Variants in PCDHGA7 observed in about 807,000 individuals in gnomAD.
The protein encoded by PCDHGA7 is protocadherin gamma-A7.
PCDHGA7 carries 44 observed loss-of-function variants against 58.3 expected under a neutral mutation model. That is an observed-to-expected ratio of 0.75 (90% CI 0.59 to 0.97). The LOEUF (loss-of-function observed/expected upper bound fraction) is 0.97. Ranked by LOEUF, PCDHGA7 falls within the 50% of genes least tolerant of loss-of-function variation. The pLI is 0.00. For synonymous variants in PCDHGA7, 516 were observed against 504.2 expected, an observed-to-expected ratio of 1.02 and a Z score of -0.31; for missense variants, 1,266 against 1,188.7, an observed-to-expected ratio of 1.06 and a Z score of -0.96.
intron 1 of PCDHGA7, among the ~76,000 whole-genome samples, chr5:141,447,677 A>G (rs748479750): frequency 6.6e-6 from 1 of 152,184 alleles, no homozygotes; most frequent in Non-Finnish European, 1.5e-5. Context: ...GAACTGTTCC[A>G]TATCTTGATA....
intron 1 of PCDHGA7, chr5:141,433,013 AC>A: frequency 6.2e-7 from 1 of 1,614,018 alleles, no homozygotes; most frequent in Non-Finnish European, 8.5e-7. Flanking sequence ...TTTCCTGCAG[AC>A]CTATTCCCAC....
chr5:141,505,283 G>A, intron 2 of PCDHGA7, 110 bp from the exon 3 acceptor site: 5 of 1,547,446 alleles, frequency 3.2e-6, no homozygotes, highest in Non-Finnish European at 3.5e-6. Flanking sequence ...ACAGGTCTTG[G>A]GCATGGGGTA....
At chr5:141,436,668 C>CA (rs1159051861) in intron 1 of PCDHGA7, among the ~76,000 whole-genome samples, 1 of 151,748 alleles carries the variant, frequency 6.6e-6, no homozygotes, top group South Asian at 2.1e-4. Flanking sequence ...AGTGGTTGAC[C>CA]AAAAAAAGGA....
intron 1 of PCDHGA7, chr5:141,393,124 T>A: frequency 6.2e-7 from 1 of 1,613,430 alleles, no homozygotes; most frequent in Non-Finnish European, 8.5e-7. Flanking sequence ...CGGTGTCTGA[T>A]AAATATTAAC....
chr5:141,492,042 A>T, intron 1 of PCDHGA7: 1 of 519,520 alleles, frequency 1.9e-6, no homozygotes, highest in Non-Finnish European at 3.4e-6. Context: ...GCAGTCACAG[A>T]TCCACCCCTG....
At chr5:141,478,545 A>C in intron 1 of PCDHGA7, 1 of 1,605,606 alleles carries the variant, frequency 6.2e-7, no homozygotes, top group Non-Finnish European at 8.5e-7. Flanking sequence ...CCTCCCGGAC[A>C]GGTAAGGTTT....
At chr5:141,392,893 G>C in intron 1 of PCDHGA7, 1 of 1,613,780 alleles carries the variant, frequency 6.2e-7, no homozygotes, top group South Asian at 1.1e-5. Flanking sequence ...TGGGAAATCG[G>C]GAGGGGACAG....
At chr5:141,466,965 C>A (rs1345790988) in intron 1 of PCDHGA7, among the ~76,000 whole-genome samples, 1 of 152,016 alleles carries the variant, frequency 6.6e-6, no homozygotes, top group East Asian at 1.9e-4. Context: ...CAAATATTTT[C>A]TCACAGCTCA....
In PCDHGA7 at chr5:141,384,346, G is replaced by A. The variant is rs992832645; in HGVS notation, c.1447G>A (p.Asp483Asn). 1.9e-6 allele frequency: 3 copies of A among 1,613,746 alleles called. No homozygotes were observed. The highest frequency in any genetic ancestry group is 2.5e-6 in the Non-Finnish European group (3 of 1,179,906). Residue 483 changes from aspartate to asparagine, a missense_variant, in exon 1 of 4, where the codon GAT becomes AAT. Physicochemically the swap from Asp to Asn is conservative, Grantham distance 23. Transcript: ENST00000518325. The stretch of plus-strand genomic sequence containing the variant: ...GACTGCACAGGACCACGACAGTGAG[G>A]ATAATGCCCAGATCACTTATTCCTT... ...LVTAQDHDSE[D>N]NAQITYSLAE... is the part of the protein sequence containing the mutation.
At chr5:141,488,872 T>C (rs773185475) in intron 1 of PCDHGA7, among the ~76,000 whole-genome samples, 4 of 151,794 alleles carry the variant, frequency 2.6e-5, no homozygotes, top group Non-Finnish European at 5.9e-5. Flanking sequence ...AGTGGGGAGG[T>C]AGGAAGCTTC....
chr5:141,414,792 C>T (rs2095788725), intron 1 of PCDHGA7: 6 of 1,614,230 alleles, frequency 3.7e-6, no homozygotes, highest in African/African-American at 2.7e-5. Flanking sequence ...TGACAGCCAG[C>T]GACAGCGGGG....
chr5:141,413,170 A>G, intron 1 of PCDHGA7: 1 of 1,595,602 alleles, frequency 6.3e-7, no homozygotes, highest in Non-Finnish European at 8.5e-7. Flanking sequence ...CTGTAACCAG[A>G]CTACAATGGC....
chr5:141,503,598 CAAAAAAAAAA>C (rs765754054), intron 2 of PCDHGA7, among the ~76,000 whole-genome samples: 1 of 65,762 alleles, frequency 1.5e-5, no homozygotes. Context: ...GACTCCAGCT[CAAAAAAAAAA>C]AAAAAAGAAA....
intron 2 of PCDHGA7, among the ~76,000 whole-genome samples, chr5:141,504,479 G>T (rs1270717855): frequency 6.6e-6 from 1 of 152,100 alleles, no homozygotes; most frequent in African/African-American, 2.4e-5. Context: ...TGGGAGTACA[G>T]TGGAGGCACC....
At chr5:141,499,244 CAA>C (rs1191956146) in intron 2 of PCDHGA7, among the ~76,000 whole-genome samples, 1 of 152,090 alleles carries the variant, frequency 6.6e-6, no homozygotes, top group Non-Finnish European at 1.5e-5. Flanking sequence ...AGCCTCTGCA[CAA>C]AGAGTCTCCA....
chr5:141,411,193 AAAAC>A (rs1267742802), intron 1 of PCDHGA7: 2 of 152,212 alleles, frequency 1.3e-5, no homozygotes, highest in African/African-American at 4.8e-5. Flanking sequence ...GGCATCTAAG[AAAAC>A]AAACAAGTAA....
rs759160174 is a variant in PCDHGA7, at chr5:141,385,062, G to T, written c.2163G>T (p.Lys721Asn). 2.1e-5 allele frequency: 34 copies of T among 1,614,044 alleles called. No homozygotes were observed. In the South Asian group the frequency reaches 3.4e-4, roughly 16 times the overall value. Residue 721 changes from lysine (K) to asparagine (N), a missense_variant, in exon 1 of 4, where the codon AAG (lysine) becomes AAT (asparagine). Lys to Asn is a moderately conservative substitution (Grantham distance 94). Transcript: ENST00000518325. ...LLALRLRRWH[K>N]SRLLQASEGG... ...CGCTCAGGCTGCGGCGCTGGCACAA[G>T]TCACGCCTGCTGCAGGCTTCAGAAG... is the stretch of plus-strand genomic sequence containing the variant.
intron 1 of PCDHGA7, among the ~76,000 whole-genome samples, chr5:141,463,642 G>A (rs573143516): frequency 6.6e-6 from 1 of 151,750 alleles, no homozygotes; most frequent in South Asian, 2.1e-4. Context: ...TAGTAGAGAC[G>A]GGGTTTCACC....
In PCDHGA7 at chr5:141,511,555, C is replaced by T; in HGVS notation, c.*382C>T. 1 of 305,302 alleles carries T rather than the reference C, an allele frequency of 3.3e-6. No individual in the cohort carries two copies. Among genetic ancestry groups the T allele is most frequent in the South Asian group, 3.6e-5 (1 of 28,078 alleles). 18.9% of individuals were successfully genotyped at this position (305,302 alleles called of 1,614,324 possible). ...CCTCCCCACCCCACTCCAACAGTTC[C>T]TCTTTCCCGAGTAAGGTGGTTGGGG... On this transcript the variant is annotated 3_prime_UTR_variant, in exon 4 of 4. Coordinates refer to ENST00000518325, the MANE Select transcript of PCDHGA7 (RefSeq NM_018920.4).
Sources: allele counts gnomAD v4.1 joint callset (sites outside exome capture counted in the v4.1 genomes callset), GRCh38; gene constraint gnomAD v4.1.1; transcripts MANE v1.5; gene names NCBI Gene and HGNC (gene_info 2026-07-23, HGNC 2026-07-21).